The following SLTM variants were observed in gnomAD, a reference collection of about 807,000 sequenced individuals.
SLTM encodes SAFB-like transcription modulator.
SLTM carries 43 observed loss-of-function variants against 134.6 expected under a neutral mutation model. The ratio of observed to expected loss-of-function variants is 0.32; its 90% CI spans 0.25 to 0.41. The LOEUF (loss-of-function observed/expected upper bound fraction) is 0.41, where lower values mean the gene tolerates loss of function less well. Among genes scored for constraint, SLTM ranks in the 10% least tolerant of loss-of-function variants. The pLI is 1.00. For missense variants in SLTM, 1,055 were observed against 1,288.8 expected (o/e 0.82, Z 2.78); for synonymous variants, 424 against 432.3 (o/e 0.98, Z 0.24).
chr15:58,885,056 G>A (rs2034067729), intron 19 of SLTM, among the ~76,000 whole-genome samples: 1 of 152,190 alleles, frequency 6.6e-6, no homozygotes, highest in South Asian at 2.1e-4. Context: ...CTTAAGACAA[G>A]GCACGGCAGG....
At position 58,933,459 on chromosome 15, in the gene SLTM, C is replaced by T. The variant is rs528026364; in HGVS notation, c.107G>A (p.Arg36Gln). 6.3e-7 allele frequency: 1 copy of T among 1,596,426 alleles called. No individual in the cohort carries two copies. Among genetic ancestry groups the T allele is most frequent in the South Asian group, 1.1e-5 (1 of 89,054 alleles). ...RVIDLKSELK[R>Q]RNLDITGVKT... ...GACTCCGGTGATGTCTAAGTTCCGC[C>T]GCTTCAGCTCGGACTTCAGATCGAT... Residue 36 changes from arginine (R) to glutamine (Q), a missense_variant, in exon 1 of 21, where the codon CGG becomes CAG. By Grantham distance (43) the Arg-to-Gln change is conservative (BLOSUM62 1). Coordinates refer to ENST00000380516, the MANE Select transcript of SLTM (RefSeq NM_024755.4).
At chr15:58,929,814 G>A (rs561542466) in intron 2 of SLTM, among the ~76,000 whole-genome samples, 5 of 152,056 alleles carry the variant, frequency 3.3e-5, no homozygotes, top group African/African-American at 7.2e-5. Context: ...TTGGTATGAC[G>A]CATTTAAGCA....
intron 6 of SLTM, chr15:58,900,456 GAAGGCTCCA>G: frequency 6.5e-6 from 1 of 154,114 alleles, no homozygotes; most frequent in Non-Finnish European, 1.4e-5. Context: ...AACTGGTACA[GAAGGCTCCA>G]AAGATGCTCC....
Position 58,897,209 on chromosome 15 carries a change from C to T in SLTM, c.1133G>A (p.Ser378Asn), listed in dbSNP as rs758187721. 2.5e-6 allele frequency: 4 copies of T among 1,605,550 alleles called. No individual in the cohort carries two copies. The highest frequency in any genetic ancestry group is 3.4e-6 in the Non-Finnish European group (4 of 1,172,630). Residue 378 changes from serine to asparagine, a missense_variant, in exon 9 of 21, where the codon AGC becomes AAC. This residue lies in a region of SLTM where 776 missense variants were observed against 962.2 expected (regional missense o/e 0.81). Coordinates refer to ENST00000380516, the MANE Select transcript of SLTM (RefSeq NM_024755.4). Reference sequence around the variant, plus strand: ...GATATTTTTAGTTGAGCTTCCACTGCTACCACTAGTACTACTTGTACTTCC... The same window carrying T: ...GATATTTTTAGTTGAGCTTCCACTGTTACCACTAGTACTACTTGTACTTCC... The part of the protein sequence containing the change: ...DKGSTSSTSG[S>N]SGSSTKNIWV...
chr15:58,919,697 CA>C (rs1287263366), intron 2 of SLTM, among the ~76,000 whole-genome samples: 1 of 152,140 alleles, frequency 6.6e-6, no homozygotes, highest in African/African-American at 2.4e-5. Context: ...GCCTATAGAG[CA>C]GAACTTTTGG....
chr15:58,916,164 A>ATC (rs1207894296), intron 3 of SLTM, among the ~76,000 whole-genome samples: 11 of 142,408 alleles, frequency 7.7e-5, no homozygotes, highest in African/African-American at 1.3e-4. Context: ...TCTTAATTTG[A>ATC]TCTCTCTCTC....
rs2034802088 is a variant in SLTM, at chr15:58,893,201, G to T, written c.1734+78C>A. On this transcript the variant is annotated intron_variant, in intron 13 of 20. Coordinates refer to ENST00000380516, the MANE Select transcript of SLTM (RefSeq NM_024755.4). Reference sequence around the variant, plus strand: ...GTTTGCTAGCATGCAAGTACGCAAAGATGGTTATGGAAAAACAGAATTATC... The same window carrying T: ...GTTTGCTAGCATGCAAGTACGCAAATATGGTTATGGAAAAACAGAATTATC... 5 of 1,439,530 alleles carry T rather than the reference G, an allele frequency of 3.5e-6. No individual in the cohort carries two copies. In the South Asian group the frequency reaches 6.2e-5, roughly 18 times the overall value. The allele number at this position is 1,439,530 out of a possible 1,614,324, so 89.2% of individuals were successfully genotyped here.
chr15:58,885,256 C>T (rs2034086304), intron 19 of SLTM, among the ~76,000 whole-genome samples: 1 of 152,140 alleles, frequency 6.6e-6, no homozygotes, highest in Non-Finnish European at 1.5e-5. Flanking sequence ...AGAAAGCAAG[C>T]ATTGTGATAC....
intron 20 of SLTM, 175 bp downstream of exon 20, chr15:58,883,451 A>G: frequency 6.6e-6 from 5 of 754,140 alleles, no homozygotes; most frequent in South Asian, 1.9e-5. Context: ...TAACACATTA[A>G]TATCAGCTGT....
intron 5 of SLTM, among the ~76,000 whole-genome samples, chr15:58,907,275 A>G (rs2035928827): frequency 6.6e-6 from 1 of 152,192 alleles, no homozygotes; most frequent in Non-Finnish European, 1.5e-5. Context: ...AGGAATATAC[A>G]TGATGTTATA....
Position 58,899,671 on chromosome 15 carries a change from T to C in SLTM, c.856A>G (p.Ile286Val). ...ASKPKDGQDAIAQSPEKESKD... is the reference protein window; with the variant it reads ...ASKPKDGQDAVAQSPEKESKD... The stretch of plus-strand genomic sequence containing the variant: ...CTTTCCTTCTCCGGGCTCTGTGCAA[T>C]GGCGTCCTGCCCATCTTTTGGCTTA... Residue 286 changes from isoleucine to valine, a missense_variant, in exon 7 of 21, where the codon ATT (isoleucine) becomes GTT (valine). Coordinates refer to ENST00000380516, the MANE Select transcript of SLTM (RefSeq NM_024755.4). The surrounding 1 kb of genome is among the most constrained non-coding windows in gnomAD (Gnocchi z 5.0). 6.2e-7 allele frequency: 1 copy of C among 1,614,222 alleles called. No homozygotes were observed. Among genetic ancestry groups the C allele is most frequent in the Non-Finnish European group, 8.5e-7 (1 of 1,180,014 alleles).
chr15:58,922,230 A>T (rs2141194061), intron 2 of SLTM, among the ~76,000 whole-genome samples: 1 of 151,428 alleles, frequency 6.6e-6, no homozygotes, highest in South Asian at 2.1e-4. Context: ...ACAAAAAAGT[A>T]GCCGGGTGTG....
chr15:58,907,266 G>A (rs1028759667), intron 5 of SLTM, among the ~76,000 whole-genome samples: 2 of 152,094 alleles, frequency 1.3e-5, no homozygotes, highest in Non-Finnish European at 2.9e-5. Flanking sequence ...AATAGAAAAA[G>A]GAATATACAT....
rs1445987265 is a variant in SLTM at position 58,879,742 on chromosome 15, G to A, written c.*257C>T. 1 of 344,050 alleles carries A rather than the reference G, an allele frequency of 2.9e-6. No homozygotes were observed. 21.3% of individuals were successfully genotyped at this position (344,050 alleles called of 1,614,324 possible). ...ATATTCACACAGCGTTAAACAAAAC[G>A]ACTTCAATTCCATCTTTTCAAATGT... On this transcript the variant is annotated 3_prime_UTR_variant, in exon 21 of 21. Coordinates refer to ENST00000380516, the MANE Select transcript of SLTM (RefSeq NM_024755.4).
chr15:58,894,703 A>ATTTTT, intron 9 of SLTM, 121 bp from the exon 10 acceptor site: 2 of 678,720 alleles, frequency 2.9e-6, no homozygotes, highest in Admixed American at 3.9e-5. Flanking sequence ...ATTCTGTCTC[A>ATTTTT]TGTTTTTTTT....
intron 14 of SLTM, 90 bp from the exon 15 acceptor site, chr15:58,890,551 G>T: frequency 7.4e-7 from 1 of 1,354,882 alleles, no homozygotes. Context: ...CCTTGAGGTT[G>T]GCAATTTTAA....
intron 5 of SLTM, among the ~76,000 whole-genome samples, chr15:58,908,988 G>C (rs1327385572): frequency 6.6e-6 from 1 of 152,202 alleles, no homozygotes. Flanking sequence ...CAAAAACAAA[G>C]AAAACAACTC....
intron 13 of SLTM, 82 bp from the exon 14 acceptor site, chr15:58,893,142 G>T: frequency 7.0e-7 from 1 of 1,426,354 alleles, no homozygotes; most frequent in East Asian, 2.4e-5. Context: ...CATTTAAAAA[G>T]TTCAAATGAC....
intron 5 of SLTM, among the ~76,000 whole-genome samples, chr15:58,905,408 G>A (rs2141068051): frequency 6.6e-6 from 1 of 152,192 alleles, no homozygotes; most frequent in South Asian, 2.1e-4. Context: ...TTAACTTAAA[G>A]AATGCAACAT....
Sources: allele counts gnomAD v4.1 joint callset (sites outside exome capture counted in the v4.1 genomes callset), GRCh38; gene constraint gnomAD v4.1.1; regional missense constraint gnomAD v4.1.1; non-coding constraint Gnocchi (gnomAD v3.1); transcripts MANE v1.5; gene names NCBI Gene and HGNC (gene_info 2026-07-23, HGNC 2026-07-21).